Variants in PCED1B observed in about 807,000 individuals in gnomAD.
PCED1B encodes PC-esterase domain containing 1B.
For missense variants in PCED1B, 573 were observed against 573.9 expected (o/e 1.00, Z 0.02); for synonymous variants, 251 against 246.1 (o/e 1.02, Z -0.19).
chr12:47,146,271 G>T (rs947149968), intron 2 of PCED1B, among the ~76,000 whole-genome samples: 1 of 152,184 alleles, frequency 6.6e-6, no homozygotes, highest in African/African-American at 2.4e-5. Flanking sequence ...GATAACCAAA[G>T]AAAGTGGTTT....
At chr12:47,202,840 A>T (rs953696667) in intron 2 of PCED1B, among the ~76,000 whole-genome samples, 3 of 152,018 alleles carry the variant, frequency 2.0e-5, no homozygotes, top group African/African-American at 7.2e-5. Flanking sequence ...TAAATGACAC[A>T]TGTGGTCTCC....
intron 2 of PCED1B, among the ~76,000 whole-genome samples, chr12:47,183,323 A>G (rs535500747): frequency 1.9e-4 from 29 of 152,314 alleles, no homozygotes; most frequent in African/African-American, 7.0e-4. Flanking sequence ...GGAATTTCTA[A>G]ATATATTTTG....
intron 2 of PCED1B, among the ~76,000 whole-genome samples, chr12:47,113,744 T>C (rs1939298328): frequency 6.6e-6 from 1 of 152,092 alleles, no homozygotes; most frequent in Non-Finnish European, 1.5e-5. Context: ...GCACAGTGGC[T>C]CACGCCTGTA....
chr12:47,172,504 T>C (rs1358227904), intron 2 of PCED1B, among the ~76,000 whole-genome samples: 1 of 152,152 alleles, frequency 6.6e-6, no homozygotes, highest in African/African-American at 2.4e-5. Flanking sequence ...AGGAAATCTA[T>C]GATTGCTAGA....
chr12:47,228,118 C>T (rs977074193), intron 3 of PCED1B, among the ~76,000 whole-genome samples: 2 of 151,808 alleles, frequency 1.3e-5, no homozygotes, highest in African/African-American at 4.8e-5. Context: ...GCTGCAACCT[C>T]CTCCTTTCTG....
intron 2 of PCED1B, among the ~76,000 whole-genome samples, chr12:47,126,261 A>G (rs561662831): frequency 4.9e-4 from 74 of 152,200 alleles, no homozygotes; most frequent in African/African-American, 1.7e-3. Context: ...CTTTGTATCT[A>G]TTGAGATGAT....
chr12:47,142,908 T>G (rs958477822), intron 2 of PCED1B, among the ~76,000 whole-genome samples: 1 of 152,026 alleles, frequency 6.6e-6, no homozygotes, highest in African/African-American at 2.4e-5. Context: ...TTTTAAGAAA[T>G]TCATACACAA....
chr12:47,212,722 C>T (rs143705236), intron 2 of PCED1B, among the ~76,000 whole-genome samples: 377 of 152,320 alleles, frequency 2.5e-3, no homozygotes, highest in African/African-American at 8.6e-3. Context: ...ATTACTAAAG[C>T]ATGGATGCAT....
At chr12:47,095,011 A>G (rs1938426316) in intron 1 of PCED1B, among the ~76,000 whole-genome samples, 1 of 150,152 alleles carries the variant, frequency 6.7e-6, no homozygotes, top group Non-Finnish European at 1.5e-5. Flanking sequence ...GGCTCAAGCA[A>G]TCCTCCCACC....
chr12:47,113,967 CA>C (rs1939313590), intron 2 of PCED1B, among the ~76,000 whole-genome samples: 1 of 114,894 alleles, frequency 8.7e-6, no homozygotes, highest in Admixed American at 8.8e-5. Context: ...AAAAAAAAAA[CA>C]CACACACACA....
chr12:47,151,993 A>T (rs1263910134), intron 2 of PCED1B, among the ~76,000 whole-genome samples: 1 of 152,226 alleles, frequency 6.6e-6, no homozygotes, highest in East Asian at 1.9e-4. Context: ...GACAACTGAT[A>T]TACATAGATA....
At chr12:47,141,717 C>G (rs763579486) in intron 2 of PCED1B, among the ~76,000 whole-genome samples, 1 of 152,206 alleles carries the variant, frequency 6.6e-6, no homozygotes, top group African/African-American at 2.4e-5. Flanking sequence ...ACTCCAGGCC[C>G]TCTAAGCTGC....
chr12:47,222,295 G>T (rs1943505848), intron 3 of PCED1B, among the ~76,000 whole-genome samples: 1 of 151,418 alleles, frequency 6.6e-6, no homozygotes, highest in South Asian at 2.1e-4. Context: ...GGTAGCACGT[G>T]CCTGTAATTC....
chr12:47,188,703 T>C (rs1472590337), intron 2 of PCED1B, among the ~76,000 whole-genome samples: 5 of 152,126 alleles, frequency 3.3e-5, no homozygotes, highest in Non-Finnish European at 7.4e-5. Flanking sequence ...AAACGTGCAA[T>C]GTAAGCTGTA....
At chr12:47,198,417 G>A (rs1436189123) in intron 2 of PCED1B, among the ~76,000 whole-genome samples, 2 of 151,964 alleles carry the variant, frequency 1.3e-5, no homozygotes, top group Non-Finnish European at 2.9e-5. Flanking sequence ...CTTCATAAAG[G>A]ATAACTGCAA....
chr12:47,173,947 A>G (rs1471741503), intron 2 of PCED1B, among the ~76,000 whole-genome samples: 1 of 152,216 alleles, frequency 6.6e-6, no homozygotes, highest in East Asian at 1.9e-4. Flanking sequence ...TATGTATGCA[A>G]AAGTGTCTAG....
chr12:47,103,556 C>T (rs1019125349), intron 1 of PCED1B, among the ~76,000 whole-genome samples: 4 of 152,186 alleles, frequency 2.6e-5, no homozygotes, highest in Admixed American at 2.0e-4. Flanking sequence ...GAATAGTTCA[C>T]GAATCATTCC....
At chr12:47,121,072 G>A (rs757558162) in intron 2 of PCED1B, among the ~76,000 whole-genome samples, 4 of 152,138 alleles carry the variant, frequency 2.6e-5, no homozygotes, top group South Asian at 2.1e-4. Context: ...TAAAATTGTG[G>A]TGATGGTTCC....
chr12:47,222,101 T>A (rs556529602), intron 3 of PCED1B, among the ~76,000 whole-genome samples: 4 of 109,542 alleles, frequency 3.7e-5, no homozygotes, highest in Non-Finnish European at 7.1e-5. Context: ...AGACTCTATC[T>A]CTTAAAAAAA....
Sources: gnomAD v4.1 joint callset for allele counts (sites outside exome capture counted in the v4.1 genomes callset) on GRCh38, gnomAD v4.1.1 for gene constraint, MANE v1.5 for transcripts, NCBI Gene and HGNC (gene_info 2026-07-23, HGNC 2026-07-21) for gene names.